FOLH1: variants seen among roughly 807,000 people sequenced by gnomAD.
The protein encoded by FOLH1 is glutamate carboxypeptidase 2.
A neutral mutation model predicts 93.9 loss-of-function variants in FOLH1; 54 were observed. The ratio of observed to expected loss-of-function variants is 0.57; its 90% CI spans 0.46 to 0.72. The LOEUF (loss-of-function observed/expected upper bound fraction) is 0.72, where lower values mean the gene tolerates loss of function less well. Among genes scored for constraint, FOLH1 ranks in the 30% least tolerant of loss-of-function variants. The pLI is 0.00. For missense variants in FOLH1, 571 were observed against 892.5 expected (o/e 0.64, Z 4.59); for synonymous variants, 249 against 303.6 (o/e 0.82, Z 1.87).
At chr11:49,166,028 A>C (rs988497992) in intron 12 of FOLH1, among the ~76,000 whole-genome samples, 1 of 152,180 alleles carries the variant, frequency 6.6e-6, no homozygotes, top group Non-Finnish European at 1.5e-5. Flanking sequence ...ATGCAAATAA[A>C]ATAATATTAA....
intron 17 of FOLH1, among the ~76,000 whole-genome samples, chr11:49,150,636 C>A (rs1856400514): frequency 6.6e-6 from 1 of 152,084 alleles, no homozygotes; most frequent in Non-Finnish European, 1.5e-5. Flanking sequence ...TTAAGTCTTT[C>A]AACAATATTT....
intron 13 of FOLH1, among the ~76,000 whole-genome samples, chr11:49,159,676 T>C (rs898374595): frequency 6.6e-6 from 1 of 152,144 alleles, no homozygotes; most frequent in Non-Finnish European, 1.5e-5. Flanking sequence ...CTCCTCCTAA[T>C]TATTTGGCAA....
At chr11:49,175,468 G>A (rs1282976505) in intron 8 of FOLH1, among the ~76,000 whole-genome samples, 2 of 152,196 alleles carry the variant, frequency 1.3e-5, no homozygotes, top group Non-Finnish European at 2.9e-5. Flanking sequence ...GGGAAGGAAA[G>A]TCATTGTCTT....
At chr11:49,171,624 A>G (rs1256621908) in intron 10 of FOLH1, among the ~76,000 whole-genome samples, 4 of 152,262 alleles carry the variant, frequency 2.6e-5, no homozygotes, top group East Asian at 1.9e-4. Flanking sequence ...TGGTATTCTG[A>G]AAGCAGATAT....
In FOLH1 at chr11:49,186,711, TC is replaced by T. The variant is rs1171056382; in HGVS notation, c.571del (p.Asp191ThrfsTer2). On this transcript the variant is annotated frameshift_variant, in exon 5 of 19. Transcript: ENST00000256999. ...RTEDFFKLER[D>X]MKINCSGKIV... ...TTTCCCAGAGCAATTGATTTTCATG[TC>T]CCGTTCCAATTTAAAGAAGTCTTCA... 1.2e-6 allele frequency: 2 copies of T among 1,613,382 alleles called. No individual in the cohort carries two copies. The highest frequency in any genetic ancestry group is 8.5e-7 in the Non-Finnish European group (1 of 1,179,724).
intron 14 of FOLH1, 92 bp from the exon 15 acceptor site, chr11:49,156,899 T>G (rs1165107296): frequency 6.4e-7 from 1 of 1,566,166 alleles, no homozygotes; most frequent in East Asian, 2.3e-5. Context: ...ATTCTTACTA[T>G]TATAAATGTA....
intron 7 of FOLH1, among the ~76,000 whole-genome samples, chr11:49,181,680 T>TA: frequency 6.6e-6 from 1 of 152,268 alleles, no homozygotes; most frequent in East Asian, 1.9e-4. Context: ...CATGAATACT[T>TA]AGTCTTTATT....
At chr11:49,170,463 A>C (rs1859122586) in intron 11 of FOLH1, among the ~76,000 whole-genome samples, 1 of 152,148 alleles carries the variant, frequency 6.6e-6, no homozygotes, top group African/African-American at 2.4e-5. Flanking sequence ...AAACATAAAA[A>C]AATTAGCCAG....
chr11:49,201,028 C>T (rs1020080489), intron 2 of FOLH1, among the ~76,000 whole-genome samples: 1 of 151,952 alleles, frequency 6.6e-6, no homozygotes, highest in African/African-American at 2.4e-5. Flanking sequence ...AATAATTAGT[C>T]TGAAGAGGAA....
At chr11:49,188,922 C>A (rs1417836355) in intron 4 of FOLH1, among the ~76,000 whole-genome samples, 1 of 152,046 alleles carries the variant, frequency 6.6e-6, no homozygotes, top group Admixed American at 6.6e-5. Context: ...TTGGGTTTAC[C>A]TTTAATTTTG....
intron 7 of FOLH1, among the ~76,000 whole-genome samples, chr11:49,180,853 T>C (rs4081478): frequency 3.9e-5 from 6 of 152,242 alleles, no homozygotes; most frequent in South Asian, 2.1e-4. Flanking sequence ...ATGCACTTTT[T>C]CATGAAAGTT....
At chr11:49,182,851 T>C (rs1199177508) in intron 7 of FOLH1, among the ~76,000 whole-genome samples, 1 of 152,072 alleles carries the variant, frequency 6.6e-6, no homozygotes, top group Non-Finnish European at 1.5e-5. Flanking sequence ...ACAGGAAGCA[T>C]GGTCTTGACA....
chr11:49,192,322 A>G (rs905917430), intron 4 of FOLH1, among the ~76,000 whole-genome samples: 1 of 152,226 alleles, frequency 6.6e-6, no homozygotes, highest in Middle Eastern at 3.2e-3. Flanking sequence ...TAATTTGACA[A>G]CGTCAAAATT....
intron 10 of FOLH1, among the ~76,000 whole-genome samples, chr11:49,171,741 T>G (rs1859332185): frequency 6.6e-6 from 1 of 152,084 alleles, no homozygotes; most frequent in African/African-American, 2.4e-5. Context: ...TCTGCCAGAA[T>G]TAATCAACAA....
chr11:49,154,133 G>A, intron 16 of FOLH1, 95 bp downstream of exon 16: 1 of 1,515,826 alleles, frequency 6.6e-7, no homozygotes, highest in Non-Finnish European at 8.9e-7. Flanking sequence ...ACTTGAAATA[G>A]CAATAAATAA....
At position 49,191,725 on chromosome 11, in the gene FOLH1, T is replaced by C. The variant is rs1327710390; in HGVS notation, c.513+1068A>G. 2.2e-5 allele frequency among the ~76,000 whole-genome samples: 3 copies of C among 133,716 alleles called. No individual in the cohort carries two copies. The South Asian group carries it at 7.4e-4, about 33-fold the overall frequency. 87.7% of individuals were successfully genotyped at this position (133,716 alleles called of 152,430 possible). On this transcript the variant is annotated intron_variant, in intron 4 of 18. Coordinates refer to ENST00000256999, the MANE Select transcript of FOLH1 (RefSeq NM_004476.3). ...TTTGTTTTGTTTTTCTAAGATGGAGTCTCGCTCTGTCACCTAGGCTGGAGT... is the reference window on the plus strand; with the variant it reads ...TTTGTTTTGTTTTTCTAAGATGGAGCCTCGCTCTGTCACCTAGGCTGGAGT...
chr11:49,195,945 G>A (rs1862572356), intron 3 of FOLH1, among the ~76,000 whole-genome samples: 1 of 152,192 alleles, frequency 6.6e-6, no homozygotes, highest in Admixed American at 6.5e-5. Context: ...TACAAGGTCA[G>A]GAGTTCGAGA....
intron 5 of FOLH1, 190 bp from the exon 6 acceptor site, chr11:49,186,045 CTCAGAACA>C: frequency 1.2e-6 from 1 of 856,630 alleles, no homozygotes. Flanking sequence ...TCTAAAAATC[CTCAGAACA>C]TCAGATTTAG....
At chr11:49,158,408 A>G (rs1394969836) in intron 13 of FOLH1, among the ~76,000 whole-genome samples, 1 of 152,164 alleles carries the variant, frequency 6.6e-6, no homozygotes, top group Non-Finnish European at 1.5e-5. Context: ...CAAAGAAAAT[A>G]AAAAGAAGTA....
Sources: gnomAD v4.1 joint callset for allele counts (sites outside exome capture counted in the v4.1 genomes callset) on GRCh38, gnomAD v4.1.1 for gene constraint, MANE v1.5 for transcripts, NCBI Gene and HGNC (gene_info 2026-07-23, HGNC 2026-07-21) for gene names.